Variants in LAMB1 observed in about 807,000 individuals in gnomAD.
The protein encoded by LAMB1 is laminin subunit beta 1, also known as laminin subunit beta-1.
LAMB1 carries 121 observed loss-of-function variants against 222.3 expected under a neutral mutation model. The observed-to-expected ratio is 0.54, with a 90% CI of 0.47 to 0.63. LAMB1 has a LOEUF of 0.63. Ranked by LOEUF, LAMB1 falls within the 30% of genes least tolerant of loss-of-function variation. The pLI is 0.00. For missense variants in LAMB1, 2,172 were observed against 2,240.8 expected (o/e 0.97, Z 0.62); for synonymous variants, 794 against 807.2 (o/e 0.98, Z 0.28).
intron 5 of LAMB1, among the ~76,000 whole-genome samples, chr7:107,992,500 A>G (rs945897879): frequency 6.6e-6 from 1 of 152,234 alleles, no homozygotes; most frequent in Admixed American, 6.5e-5. Flanking sequence ...TTCATTCAGT[A>G]AACATTTGTA....
intron 5 of LAMB1, among the ~76,000 whole-genome samples, chr7:107,986,648 A>G (rs1477688960): frequency 9.2e-5 from 14 of 152,198 alleles, no homozygotes; most frequent in African/African-American, 2.9e-4. Flanking sequence ...TAGCAAACAC[A>G]CTTTCGTATA....
At chr7:107,972,430 C>T (rs2033767623) in intron 13 of LAMB1, among the ~76,000 whole-genome samples, 1 of 152,066 alleles carries the variant, frequency 6.6e-6, no homozygotes, top group Non-Finnish European at 1.5e-5. Context: ...CTCTTTGACT[C>T]GAAGGTGGTT....
At chr7:107,929,710 C>T (rs1440116559) in intron 29 of LAMB1, 91 bp from the exon 30 acceptor site, 4 of 1,013,124 alleles carry the variant, frequency 3.9e-6, no homozygotes, top group Non-Finnish European at 6.0e-6. Context: ...TATGGACTAG[C>T]ATGGTGGGGT....
intron 20 of LAMB1, among the ~76,000 whole-genome samples, chr7:107,957,395 C>G (rs1288925794): frequency 6.6e-6 from 1 of 151,698 alleles, no homozygotes; most frequent in Non-Finnish European, 1.5e-5. Flanking sequence ...CATCTCAAAA[C>G]AAACAAACAA....
rs2034418623 is a variant in LAMB1 at position 108,002,908 on chromosome 7, G to T, written c.-23C>A. 6.2e-7 allele frequency: 1 copy of T among 1,613,628 alleles called. No homozygotes were observed. The highest frequency in any genetic ancestry group is 1.7e-4 in the Middle Eastern group (1 of 6,060). On this transcript the variant is annotated 5_prime_UTR_variant, in exon 2 of 34. Coordinates refer to ENST00000222399, the MANE Select transcript of LAMB1 (RefSeq NM_002291.3). The stretch of plus-strand genomic sequence containing the variant: ...CATGCCGGCTCCCTGCAGCCACGGG[G>T]ACGCGGCAGAGGAGTGGAGAAGACG...
intron 24 of LAMB1, chr7:107,942,290 T>G (rs2033009069): frequency 6.6e-6 from 1 of 152,472 alleles, no homozygotes; most frequent in Non-Finnish European, 1.5e-5. Flanking sequence ...GCGCCCGGCC[T>G]TCCTCTGAAA....
At chr7:107,951,024 C>G in intron 24 of LAMB1, 1 of 525,098 alleles carries the variant, frequency 1.9e-6, no homozygotes, top group Non-Finnish European at 3.4e-6. Context: ...CACATCCACT[C>G]TTGACTACCT....
intron 27 of LAMB1, among the ~76,000 whole-genome samples, chr7:107,933,508 TAAG>T (rs1258423581): frequency 6.6e-6 from 1 of 152,000 alleles, no homozygotes; most frequent in Non-Finnish European, 1.5e-5. Flanking sequence ...ACATGAGTCT[TAAG>T]AACATAAGTG....
intron 17 of LAMB1, 80 bp from the exon 18 acceptor site, chr7:107,960,729 AC>A: frequency 1.7e-6 from 2 of 1,144,174 alleles, no homozygotes; most frequent in Non-Finnish European, 2.6e-6. Flanking sequence ...CGTGTAGAAA[AC>A]CCAAATGCTT....
At chr7:107,972,541 G>A (rs1466182907) in intron 13 of LAMB1, among the ~76,000 whole-genome samples, 4 of 150,834 alleles carry the variant, frequency 2.7e-5, no homozygotes, top group African/African-American at 9.8e-5. Flanking sequence ...TATTTAAGTA[G>A]CTCAACATTA....
At chr7:108,002,152 C>G (rs1227224911) in intron 2 of LAMB1, 2 of 1,443,172 alleles carry the variant, frequency 1.4e-6, no homozygotes, top group South Asian at 2.4e-5. Context: ...CGCGTGCACG[C>G]GGCAGCCCGC....
chr7:107,980,733 A>T lies in LAMB1; in HGVS notation c.755T>A (p.Met252Lys). The T allele has an allele frequency of 3.1e-6, 5 of 1,613,502 alleles. 2 individuals are homozygous for T. In the South Asian group the frequency reaches 5.5e-5, roughly 18 times the overall value. ...ATAATAATACTTTTCTCTGATTTCC[A>T]TCCTGGAATCCAGAAGGTTATCTCC... ...TLGDNLLDSR[M>K]EIREKYYYAV... The change falls in exon 8 of 34, where the codon ATG becomes AAG. Residue 252 changes from methionine to lysine, a missense_variant. Coordinates refer to ENST00000222399, the MANE Select transcript of LAMB1 (RefSeq NM_002291.3).
intron 31 of LAMB1, 69 bp from the exon 32 acceptor site, chr7:107,926,428 G>A: frequency 7.4e-7 from 1 of 1,349,228 alleles, no homozygotes; most frequent in East Asian, 2.3e-5. Flanking sequence ...TACAAGTTTG[G>A]AGGAAGATTT....
chr7:108,002,296 G>C, intron 2 of LAMB1: 1 of 1,309,352 alleles, frequency 7.6e-7, no homozygotes, highest in Non-Finnish European at 1.0e-6. Flanking sequence ...GCCGCTTTCC[G>C]GAGCTAGGGG....
chr7:107,925,007 A>G (rs1266130692), intron 32 of LAMB1, among the ~76,000 whole-genome samples: 1 of 152,176 alleles, frequency 6.6e-6, no homozygotes, highest in Non-Finnish European at 1.5e-5. Flanking sequence ...ATTATGCAAA[A>G]TGCCCTGAAG....
chr7:107,951,457 A>T (rs1409974132), intron 23 of LAMB1, 135 bp from the exon 24 acceptor site: 1 of 713,146 alleles, frequency 1.4e-6, no homozygotes, highest in South Asian at 1.9e-5. Flanking sequence ...AGGAAAAGGG[A>T]CTCCCACTTC....
chr7:108,003,060 G>A (rs1487654008), intron 1 of LAMB1, 51 bp downstream of exon 1: 4 of 1,395,720 alleles, frequency 2.9e-6, no homozygotes, highest in African/African-American at 2.9e-5. Flanking sequence ...ACGGAAGCGG[G>A]GGGTGGGCTG....
chr7:107,982,292 A>C (rs1469200286), intron 7 of LAMB1, among the ~76,000 whole-genome samples: 1 of 152,200 alleles, frequency 6.6e-6, no homozygotes, highest in Non-Finnish European at 1.5e-5. Flanking sequence ...ACGGTTCTTT[A>C]CTGTCATTTA....
At chr7:107,978,015 G>C in intron 9 of LAMB1, 32 bp downstream of exon 9, 3 of 1,613,368 alleles carry the variant, frequency 1.9e-6, no homozygotes, top group Non-Finnish European at 2.5e-6. Flanking sequence ...GAGCCTGAAT[G>C]GATTTAAAAT....
Sources: gnomAD v4.1 joint callset for allele counts (sites outside exome capture counted in the v4.1 genomes callset) on GRCh38, gnomAD v4.1.1 for gene constraint, MANE v1.5 for transcripts, NCBI Gene and HGNC (gene_info 2026-07-23, HGNC 2026-07-21) for gene names.